The following ELOVL7 variants were observed in gnomAD, a reference collection of about 807,000 sequenced individuals.
The protein encoded by ELOVL7 is very long chain fatty acid elongase 7.
Under a neutral mutation model 35.7 loss-of-function variants are expected in ELOVL7, and 27 were observed. That is an observed-to-expected ratio of 0.76 (90% CI 0.56 to 1.04). The LOEUF (loss-of-function observed/expected upper bound fraction) is 1.04. Ranked by LOEUF, ELOVL7 falls within the 50% of genes least tolerant of loss-of-function variation. The probability of loss-of-function intolerance (pLI) is 0.00; values close to 1 mark genes in which losing one functional copy is unlikely to be tolerated. For synonymous variants in ELOVL7, 113 were observed against 114.6 expected (o/e 0.99, Z 0.09); for missense variants, 327 against 340.8 (o/e 0.96, Z 0.32).
intron 3 of ELOVL7, among the ~76,000 whole-genome samples, chr5:60,782,134 G>A (rs919702411): frequency 6.6e-6 from 1 of 151,996 alleles, no homozygotes; most frequent in African/African-American, 2.4e-5. Flanking sequence ...ATGGCCAACG[G>A]ATAGATGAAA....
intron 1 of ELOVL7, among the ~76,000 whole-genome samples, chr5:60,834,787 T>TAGCC (rs1331300251): frequency 2.0e-5 from 3 of 150,580 alleles, no homozygotes; most frequent in Admixed American, 6.6e-5. Flanking sequence ...TTTGGTTAGT[T>TAGCC]GATTTTTAAA....
chr5:60,805,194 C>T (rs940986430), intron 1 of ELOVL7, among the ~76,000 whole-genome samples: 9 of 152,180 alleles, frequency 5.9e-5, no homozygotes, highest in African/African-American at 1.2e-4. Context: ...AAAATTCATT[C>T]GCTTATTCAA....
chr5:60,832,618 C>T (rs865845383), intron 1 of ELOVL7, among the ~76,000 whole-genome samples: 2 of 152,220 alleles, frequency 1.3e-5, no homozygotes, highest in African/African-American at 4.8e-5. Flanking sequence ...CCCACCTCAG[C>T]CTCCCAAAGT....
In ELOVL7 at chr5:60,754,394, AAAAAAC is replaced by A. The variant is rs780318175; in HGVS notation, c.*224_*229del. 1.7e-4 allele frequency: 89 copies of A among 513,284 alleles called. No individual in the cohort carries two copies. Among genetic ancestry groups the A allele is most frequent in the African/African-American group, 6.3e-4 (33 of 52,586 alleles). 31.8% of individuals were successfully genotyped at this position (513,284 alleles called of 1,614,324 possible). ...TTTGGATTAGGTTTAAAAGCAGCTA[AAAAAAC>A]AAAAACAAAAACAAAAACAAATTCT... On this transcript the variant is annotated 3_prime_UTR_variant, in exon 9 of 9. Transcript: ENST00000508821.
At chr5:60,807,103 A>C (rs1388319851) in intron 1 of ELOVL7, among the ~76,000 whole-genome samples, 1 of 152,182 alleles carries the variant, frequency 6.6e-6, no homozygotes, top group Non-Finnish European at 1.5e-5. Context: ...AAAGAGCCTG[A>C]GAAGCCTCAC....
At chr5:60,792,002 T>C (rs963545655) in intron 2 of ELOVL7, among the ~76,000 whole-genome samples, 1 of 152,114 alleles carries the variant, frequency 6.6e-6, no homozygotes, top group Non-Finnish European at 1.5e-5. Context: ...CACACTCTAA[T>C]GCAGGTCAGA....
At chr5:60,812,137 T>C (rs1156451108) in intron 1 of ELOVL7, among the ~76,000 whole-genome samples, 3 of 152,148 alleles carry the variant, frequency 2.0e-5, no homozygotes, top group Non-Finnish European at 2.9e-5. Context: ...AGAGGACCAC[T>C]GAAGCCCAGT....
intron 1 of ELOVL7, chr5:60,843,557 C>T: frequency 6.6e-6 from 1 of 152,368 alleles, no homozygotes; most frequent in Non-Finnish European, 1.5e-5. Flanking sequence ...GAAGGGACAG[C>T]GCCCCAAGTT....
intron 2 of ELOVL7, among the ~76,000 whole-genome samples, chr5:60,797,088 T>C (rs925434093): frequency 2.0e-5 from 3 of 152,218 alleles, no homozygotes; most frequent in Non-Finnish European, 4.4e-5. Context: ...TGTCACTTAT[T>C]ATAACTCCAA....
At chr5:60,834,467 T>G (rs1746670729) in intron 1 of ELOVL7, among the ~76,000 whole-genome samples, 1 of 152,132 alleles carries the variant, frequency 6.6e-6, no homozygotes, top group Non-Finnish European at 1.5e-5. Flanking sequence ...TAAAATAAAC[T>G]TAAATGTTAT....
rs1266348524 is a variant in ELOVL7 at position 60,844,147 on chromosome 5, A to G, written c.-86+13T>C. 1.3e-5 allele frequency: 2 copies of G among 150,966 alleles called. No individual in the cohort carries two copies. The highest frequency in any genetic ancestry group is 2.4e-5 in the African/African-American group (1 of 40,896). The allele number at this position is 150,966 out of a possible 1,614,324, so 9.4% of individuals were successfully genotyped here. On this transcript the variant is annotated intron_variant, in intron 1 of 8. Transcript: ENST00000508821. ...TTTGGCCCCTGCCCGCCGGCCTGGAACCCCGCACTCACCGCACAGGGAGCG... is the reference window on the plus strand; with the variant it reads ...TTTGGCCCCTGCCCGCCGGCCTGGAGCCCCGCACTCACCGCACAGGGAGCG...
At chr5:60,756,285 A>C (rs1277354672) in intron 8 of ELOVL7, among the ~76,000 whole-genome samples, 2 of 152,208 alleles carry the variant, frequency 1.3e-5, no homozygotes, top group Non-Finnish European at 1.5e-5. Context: ...TACTATACAA[A>C]AAATGTAAAA....
intron 1 of ELOVL7, among the ~76,000 whole-genome samples, chr5:60,841,259 A>G (rs1279127258): frequency 1.3e-5 from 2 of 151,986 alleles, no homozygotes; most frequent in Non-Finnish European, 2.9e-5. Context: ...CTCCTGACCT[A>G]AGGTGATCCA....
chr5:60,787,837 A>G (rs1743691531), intron 2 of ELOVL7, among the ~76,000 whole-genome samples: 1 of 152,198 alleles, frequency 6.6e-6, no homozygotes, highest in East Asian at 1.9e-4. Context: ...AGAGAAGATA[A>G]ACTGATCCTA....
intron 1 of ELOVL7, among the ~76,000 whole-genome samples, chr5:60,801,188 G>A (rs543134838): frequency 2.6e-5 from 4 of 152,096 alleles, no homozygotes; most frequent in Admixed American, 2.6e-4. Context: ...TTGTCCTCCC[G>A]AAGTGCTCAG....
intron 2 of ELOVL7, among the ~76,000 whole-genome samples, chr5:60,790,341 T>G (rs1176229381): frequency 6.6e-6 from 1 of 152,202 alleles, no homozygotes; most frequent in African/African-American, 2.4e-5. Flanking sequence ...ACTGTTGTTT[T>G]GTGGCTCATA....
At chr5:60,789,313 A>G (rs1468002474) in intron 2 of ELOVL7, among the ~76,000 whole-genome samples, 1 of 152,258 alleles carries the variant, frequency 6.6e-6, no homozygotes, top group Non-Finnish European at 1.5e-5. Flanking sequence ...AAATGGGCAA[A>G]GTTCACAGAA....
At chr5:60,789,522 T>C (rs901038498) in intron 2 of ELOVL7, among the ~76,000 whole-genome samples, 2 of 152,210 alleles carry the variant, frequency 1.3e-5, no homozygotes, top group Admixed American at 6.5e-5. Flanking sequence ...CTAGTGGAAG[T>C]ACAAATTAGT....
chr5:60,836,679 T>C (rs1746816154), intron 1 of ELOVL7, among the ~76,000 whole-genome samples: 1 of 152,074 alleles, frequency 6.6e-6, no homozygotes, highest in Admixed American at 6.5e-5. Context: ...TGTTAGAGCA[T>C]TTAATTAAAA....
Sources: gnomAD v4.1 joint callset for allele counts (sites outside exome capture counted in the v4.1 genomes callset) on GRCh38, gnomAD v4.1.1 for gene constraint, MANE v1.5 for transcripts, NCBI Gene and HGNC (gene_info 2026-07-23, HGNC 2026-07-21) for gene names.